SSBP2: variants seen among roughly 807,000 people sequenced by gnomAD.
SSBP2 encodes single-stranded DNA-binding protein 2.
In SSBP2, 17 loss-of-function variants were observed where a neutral mutation model predicts 61.8. That is an observed-to-expected ratio of 0.28 (90% confidence interval 0.19 to 0.41). The LOEUF (loss-of-function observed/expected upper bound fraction) is 0.41. Among genes scored for constraint, SSBP2 ranks in the 10% least tolerant of loss-of-function variants. The pLI is 1.00. For synonymous variants in SSBP2, 139 were observed against 141.3 expected (o/e 0.98, Z 0.12); for missense variants, 310 against 458.7 (o/e 0.68, Z 2.96).
intron 5 of SSBP2, among the ~76,000 whole-genome samples, chr5:81,493,928 C>T (rs1043700421): frequency 5.9e-5 from 9 of 152,090 alleles, no homozygotes; most frequent in African/African-American, 2.2e-4. Context: ...CCCACAAAGG[C>T]ACTGTTCTAA....
intron 4 of SSBP2, among the ~76,000 whole-genome samples, chr5:81,558,731 C>G (rs1772797000): frequency 2.0e-5 from 3 of 152,192 alleles, no homozygotes; most frequent in Non-Finnish European, 4.4e-5. Flanking sequence ...TGCTTTCTAT[C>G]TCTTCTAAGA....
At chr5:81,484,870 A>T (rs1327267157) in intron 6 of SSBP2, among the ~76,000 whole-genome samples, 1 of 152,178 alleles carries the variant, frequency 6.6e-6, no homozygotes. Context: ...AGAGTACAAA[A>T]TGGGCAACAG....
intron 6 of SSBP2, among the ~76,000 whole-genome samples, chr5:81,481,412 A>G (rs1765977218): frequency 1.3e-5 from 2 of 152,076 alleles, no homozygotes; most frequent in African/African-American, 4.8e-5. Flanking sequence ...ACCTGAGGTC[A>G]GGAGTTCGAG....
chr5:81,655,766 C>T (rs930191146), intron 1 of SSBP2, among the ~76,000 whole-genome samples: 4 of 152,172 alleles, frequency 2.6e-5, no homozygotes, highest in East Asian at 1.9e-4. Flanking sequence ...ACTACACACA[C>T]GTGTACTCAC....
At chr5:81,592,419 G>A (rs1443269498) in intron 4 of SSBP2, among the ~76,000 whole-genome samples, 2 of 152,210 alleles carry the variant, frequency 1.3e-5, no homozygotes, top group East Asian at 3.8e-4. Context: ...TGGGGGCAGG[G>A]CACAGACAAA....
chr5:81,593,832 C>G (rs1725962651), intron 4 of SSBP2, among the ~76,000 whole-genome samples: 1 of 152,166 alleles, frequency 6.6e-6, no homozygotes, highest in African/African-American at 2.4e-5. Flanking sequence ...AAAGGAACTC[C>G]TAAAGGAAGC....
At chr5:81,751,229 C>G (rs1198836272), upstream of SSBP2, 4 of 621,848 alleles carry the variant, frequency 6.4e-6, no homozygotes, top group East Asian at 8.7e-5. Context: ...TCTGGCCTTC[C>G]GAAGCGCGCG....
At chr5:81,714,536 C>T (rs575788921) in intron 1 of SSBP2, among the ~76,000 whole-genome samples, 1 of 152,280 alleles carries the variant, frequency 6.6e-6, no homozygotes, top group African/African-American at 2.4e-5. Context: ...AAAAGTGTTC[C>T]TATTTCTCCA....
intron 15 of SSBP2, among the ~76,000 whole-genome samples, chr5:81,436,185 C>CAAAAAAAAAAAAAAAA (rs34499225): frequency 3.7e-5 from 2 of 54,566 alleles, no homozygotes; most frequent in Non-Finnish European, 6.6e-5. Context: ...AAGACTCCAT[C>CAAAAAAAAAAAAAAAA]AAAAAAAAAA....
At chr5:81,579,850 T>C (rs1043503549) in intron 4 of SSBP2, among the ~76,000 whole-genome samples, 1 of 152,144 alleles carries the variant, frequency 6.6e-6, no homozygotes, top group African/African-American at 2.4e-5. Context: ...TTAAAACATA[T>C]GGCTATTAAA....
chr5:81,722,135 A>C (rs1355229201), intron 1 of SSBP2, among the ~76,000 whole-genome samples: 1 of 152,100 alleles, frequency 6.6e-6, no homozygotes. Context: ...ATTTTACAAA[A>C]TGCTAACGAA....
chr5:81,686,868 A>AG (rs1298157217), intron 1 of SSBP2, among the ~76,000 whole-genome samples: 6 of 59,464 alleles, frequency 1.0e-4, no homozygotes, highest in Non-Finnish European at 1.5e-4. Context: ...AAAAAAAAAA[A>AG]AAAAGAAAAG....
chr5:81,536,646 A>G (rs1455330599), intron 4 of SSBP2, among the ~76,000 whole-genome samples: 1 of 152,204 alleles, frequency 6.6e-6, no homozygotes, highest in African/African-American at 2.4e-5. Context: ...CCAAAACTTG[A>G]AAGCAAACAA....
intron 1 of SSBP2, among the ~76,000 whole-genome samples, chr5:81,666,009 T>C (rs966553133): frequency 2.0e-5 from 3 of 152,176 alleles, no homozygotes; most frequent in African/African-American, 7.2e-5. Flanking sequence ...GTTATAGCAG[T>C]GAAACAGGAT....
chr5:81,552,709 T>C (rs1294579728), intron 4 of SSBP2, among the ~76,000 whole-genome samples: 1 of 145,916 alleles, frequency 6.9e-6, no homozygotes, highest in Admixed American at 6.8e-5. Context: ...CAGAAAATAA[T>C]GTAAAGGTGT....
chr5:81,514,908 C>T (rs1768895954), intron 4 of SSBP2, among the ~76,000 whole-genome samples: 1 of 151,756 alleles, frequency 6.6e-6, no homozygotes. Flanking sequence ...CTATGAATGT[C>T]AAAATTTTAA....
At chr5:81,659,179 GAGAA>G (rs1459525707) in intron 1 of SSBP2, among the ~76,000 whole-genome samples, 1 of 152,136 alleles carries the variant, frequency 6.6e-6, no homozygotes, top group Admixed American at 6.6e-5. Context: ...AATCAGGCAA[GAGAA>G]AGAAATAAAG....
chr5:81,746,880 C>T (rs1415930059), intron 1 of SSBP2, among the ~76,000 whole-genome samples: 2 of 152,022 alleles, frequency 1.3e-5, no homozygotes, highest in Non-Finnish European at 2.9e-5. Flanking sequence ...ATTAATATCA[C>T]TACTCATCTA....
chr5:81,591,128 A>G (rs920313465), intron 4 of SSBP2, among the ~76,000 whole-genome samples: 1 of 152,240 alleles, frequency 6.6e-6, no homozygotes, highest in African/African-American at 2.4e-5. Context: ...AGTTGAAGGC[A>G]GACCACAGAT....
Sources: gnomAD v4.1 joint callset for allele counts (sites outside exome capture counted in the v4.1 genomes callset) on GRCh38, gnomAD v4.1.1 for gene constraint, MANE v1.5 for transcripts, NCBI Gene and HGNC (gene_info 2026-07-23, HGNC 2026-07-21) for gene names.